Variants in FBLIM1 observed in about 807,000 individuals in gnomAD.
FBLIM1 encodes the protein filamin-binding LIM protein 1.
A neutral mutation model predicts 37.4 loss-of-function variants in FBLIM1; 29 were observed. That is an observed-to-expected ratio of 0.77 (90% CI 0.58 to 1.06). The LOEUF (loss-of-function observed/expected upper bound fraction) is 1.06, where lower values mean the gene tolerates loss of function less well. FBLIM1 is among the 50% of genes least tolerant of loss of function. The pLI is 0.00. For synonymous variants in FBLIM1, 193 were observed against 199.0 expected, an observed-to-expected ratio of 0.97 and a Z score of 0.25; for missense variants, 449 against 505.6, an observed-to-expected ratio of 0.89 and a Z score of 1.07.
chr1:15,757,209 C>T (rs1419153992), upstream of FBLIM1, among the ~76,000 whole-genome samples: 7 of 152,226 alleles, frequency 4.6e-5, no homozygotes. The surrounding 1 kb of genome is among the most constrained non-coding windows in gnomAD (Gnocchi z 4.1). Context: ...CACCTCCAAG[C>T]CCCAGCTTCC....
chr1:15,761,258 G>A (rs1569695929), intron 1 of FBLIM1, among the ~76,000 whole-genome samples: 2 of 152,266 alleles, frequency 1.3e-5, no homozygotes, highest in East Asian at 1.9e-4. Flanking sequence ...GAACTTGGGC[G>A]ACTTTGTGCC....
chr1:15,765,059 G>C lies in FBLIM1; in HGVS notation c.76G>C (p.Val26Leu). 6.2e-7 allele frequency: 1 copy of C among 1,614,104 alleles called. No individual in the cohort carries two copies. Among genetic ancestry groups the C allele is most frequent in the Non-Finnish European group, 8.5e-7 (1 of 1,179,994 alleles). The change falls in exon 3 of 9, where the codon GTG becomes CTG. Residue 26 changes from valine to leucine, a missense_variant. Transcript: ENST00000375766. The surrounding 1 kb of genome is among the most constrained non-coding windows in gnomAD (Gnocchi z 5.9). ...TLAPPRRDVA[V>L]AEEVRQAVCE... ...GGCACCCCCGCGCCGCGATGTGGCC[G>C]TGGCGGAGGAAGTGAGGCAGGCAGT...
intron 8 of FBLIM1, among the ~76,000 whole-genome samples, chr1:15,781,018 T>G (rs112422724): frequency 0.026 from 3,940 of 152,154 alleles, 178 homozygotes; most frequent in African/African-American, 0.087. Flanking sequence ...CCTTGATGAC[T>G]TGGCCGAGGT....
chr1:15,765,265 C>A lies in FBLIM1; in HGVS notation c.250+32C>A, dbSNP rs41310367. The A allele has an allele frequency of 1.1e-5, 17 of 1,578,956 alleles. No individual in the cohort carries two copies. The highest frequency in any genetic ancestry group is 8.0e-5 in the South Asian group (7 of 87,866). ...GCTGAGGGGACTTTGGGGAAGACCA[C>A]GTCAGAGGCAGAGGTGGGGAGGAAA... On this transcript the variant is annotated intron_variant, in intron 3 of 8. Coordinates refer to ENST00000375766, the MANE Select transcript of FBLIM1 (RefSeq NM_017556.4). The surrounding 1 kb of genome is among the most constrained non-coding windows in gnomAD (Gnocchi z 5.9).
At chr1:15,776,455 G>A (rs1488535125) in intron 7 of FBLIM1, among the ~76,000 whole-genome samples, 2 of 152,050 alleles carry the variant, frequency 1.3e-5, no homozygotes, top group African/African-American at 4.8e-5. Context: ...CAGACCTCGG[G>A]GTCTGCCCTT....
intron 2 of FBLIM1, 128 bp from the exon 3 acceptor site, chr1:15,764,836 G>C: frequency 8.6e-7 from 1 of 1,160,006 alleles, no homozygotes; most frequent in African/African-American, 1.5e-5. Flanking sequence ...GCTGGGTGCT[G>C]GACTGAGTTG....
chr1:15,784,007 G>T (rs1053972895), intron 8 of FBLIM1, among the ~76,000 whole-genome samples: 4 of 152,066 alleles, frequency 2.6e-5, no homozygotes, highest in Admixed American at 6.6e-5. Context: ...TGACCAACAT[G>T]GCAAAACCCT....
rs915950976 is a variant in FBLIM1 at position 15,784,864 on chromosome 1, G to C, written c.*203G>C. The C allele has an allele frequency of 1.6e-4, 72 of 442,550 alleles. No homozygotes were observed. The highest frequency in any genetic ancestry group is 1.1e-3 in the African/African-American group (59 of 51,536). 27.4% of individuals were successfully genotyped at this position (442,550 alleles called of 1,614,324 possible). ...TCCTCTACCCTCTGGGCACCAGAAG[G>C]CTCCTGGACCATGAGCTTCACCCCC... On this transcript the variant is annotated 3_prime_UTR_variant, in exon 9 of 9. Coordinates refer to ENST00000375766, the MANE Select transcript of FBLIM1 (RefSeq NM_017556.4).
rs1383386990 is a variant in FBLIM1 at position 15,758,917 on chromosome 1, C to A, written c.-211+69C>A. On this transcript the variant is annotated intron_variant, in intron 1 of 8. Coordinates refer to ENST00000375766, the MANE Select transcript of FBLIM1 (RefSeq NM_017556.4). The surrounding 1 kb of genome is among the most constrained non-coding windows in gnomAD (Gnocchi z 6.2). ...TCCCCGGTGCACACAGGTGACAGCGCCGGCAGTGCTCGGCCGGAGCCTGCT... is the reference window on the plus strand; with the variant it reads ...TCCCCGGTGCACACAGGTGACAGCGACGGCAGTGCTCGGCCGGAGCCTGCT... The A allele has an allele frequency of 6.6e-6, 1 of 152,092 alleles. No homozygotes were observed. Among genetic ancestry groups the A allele is most frequent in the African/African-American group, 2.4e-5 (1 of 41,438 alleles). 9.4% of individuals were successfully genotyped at this position (152,092 alleles called of 1,614,324 possible). A position where few individuals can be genotyped will look rare whatever the true frequency, so the allele number is the denominator to read the frequency against.
chr1:15,782,956 C>A (rs561399493), intron 8 of FBLIM1, among the ~76,000 whole-genome samples: 2 of 152,100 alleles, frequency 1.3e-5, no homozygotes, highest in East Asian at 3.9e-4. Context: ...CCACCACGCC[C>A]GGCTAATTTT....
chr1:15,760,691 G>A lies in FBLIM1; in HGVS notation c.-211+1843G>A, dbSNP rs74491678. On this transcript the variant is annotated intron_variant, in intron 1 of 8. Transcript: ENST00000375766. ...TGCCCCAAGGCTGCAGCCTCTAGCT[G>A]GTCTGGGTGGCTGGCTGGATCCCTG... 6.5e-3 allele frequency among the ~76,000 whole-genome samples: 985 copies of A among 152,146 alleles called. 10 individuals carry two copies. Among genetic ancestry groups the A allele is most frequent in the African/African-American group, 0.023 (944 of 41,512 alleles).
Position 15,767,377 on chromosome 1 carries a change from A to G in FBLIM1, c.252A>G (p.Gly84=), listed in dbSNP as rs574155151. ...PAAPMQLFNG[G]CPPPPPVLDG... ...GCCCTCTCTCCTCCCCCATTGCAGGATGCCCACCCCCTCCTCCTGTCCTGG... is the reference window on the plus strand; with the variant it reads ...GCCCTCTCTCCTCCCCCATTGCAGGGTGCCCACCCCCTCCTCCTGTCCTGG... The change falls in exon 4 of 9, where the codon GGA becomes GGG. Residue 84 remains glycine, a splice_region_variant and synonymous_variant. Coordinates refer to ENST00000375766, the MANE Select transcript of FBLIM1 (RefSeq NM_017556.4). 1.3e-6 allele frequency: 2 copies of G among 1,557,574 alleles called. No individual in the cohort carries two copies. Among genetic ancestry groups the G allele is most frequent in the African/African-American group, 1.4e-5 (1 of 70,732 alleles).
intron 8 of FBLIM1, among the ~76,000 whole-genome samples, chr1:15,782,010 A>G (rs540692510): frequency 5.9e-5 from 9 of 151,816 alleles, no homozygotes; most frequent in African/African-American, 1.9e-4. Flanking sequence ...GAGCCACCGC[A>G]CCTGGCCTGT....
At chr1:15,768,707 G>GGTCCTCACTCTCTTGGT in intron 5 of FBLIM1, 77 bp downstream of exon 5, 2 of 1,140,786 alleles carry the variant, frequency 1.8e-6, no homozygotes, top group Non-Finnish European at 2.4e-6. Context: ...AACCAAGAGA[G>GGTCCTCACTCTCTTGGT]TGAGGACCCC....
At chr1:15,761,868 G>C (rs2068687035) in intron 1 of FBLIM1, among the ~76,000 whole-genome samples, 1 of 152,134 alleles carries the variant, frequency 6.6e-6, no homozygotes, top group African/African-American at 2.4e-5. Flanking sequence ...GAAGCCTGAA[G>C]AGCGAGATAG....
rs190195037 is a variant in FBLIM1 at position 15,777,154 on chromosome 1, G to A, written c.891-16G>A. 355 of 1,587,374 alleles carry A rather than the reference G, an allele frequency of 2.2e-4. 2 individuals carry two copies. The East Asian group carries it at 7.5e-3, about 34-fold the overall frequency. ...TGGCATGAACGCCTCCCAAGCATGG[G>A]TTCCTTTGCTTCTAGGAAATTCGCC... On this transcript the variant is annotated splice_polypyrimidine_tract_variant and intron_variant, in intron 7 of 8. Transcript: ENST00000375766.
chr1:15,760,751 C>T (rs2068637061), intron 1 of FBLIM1, among the ~76,000 whole-genome samples: 1 of 152,112 alleles, frequency 6.6e-6, no homozygotes, highest in East Asian at 1.9e-4. Context: ...AATGACTTTC[C>T]TTCCCTTTGT....
chr1:15,776,894 G>GAAA, intron 7 of FBLIM1: 1 of 242,214 alleles, frequency 4.1e-6, no homozygotes. Flanking sequence ...AAGAAGTACT[G>GAAA]AAAAAAAAAC....
chr1:15,784,908 T>G lies in FBLIM1; in HGVS notation c.*247T>G. ...CACCCCCAGAATTCCCTGCTGACCC[T>G]GCCCCACTTCCAGGGAAAAGCTGGG... On this transcript the variant is annotated 3_prime_UTR_variant, in exon 9 of 9. Transcript: ENST00000375766. 1 of 380,870 alleles carries G rather than the reference T, an allele frequency of 2.6e-6. No individual in the cohort carries two copies. The highest frequency in any genetic ancestry group is 8.3e-5 in the South Asian group (1 of 12,104). The allele number at this position is 380,870 out of a possible 1,614,324, so 23.6% of individuals were successfully genotyped here. A position where few individuals can be genotyped will look rare whatever the true frequency, so the allele number is the denominator to read the frequency against.
Sources: gnomAD v4.1 joint callset for allele counts (sites outside exome capture counted in the v4.1 genomes callset) on GRCh38, gnomAD v4.1.1 for gene constraint, Gnocchi (gnomAD v3.1) non-coding constraint, MANE v1.5 for transcripts, NCBI Gene and HGNC (gene_info 2026-07-23, HGNC 2026-07-21) for gene names.